Variants in NAA16 observed in about 807,000 individuals in gnomAD.
NAA16 encodes the protein N-alpha-acetyltransferase 16, NatA auxiliary subunit.
A neutral mutation model predicts 110.3 loss-of-function variants in NAA16; 97 were observed. That is an observed-to-expected ratio of 0.88 (90% CI 0.75 to 1.04). NAA16 has a LOEUF of 1.04. NAA16 is among the 50% of genes least tolerant of loss of function. The pLI is 0.00. For missense variants in NAA16, 1,017 were observed against 1,005.1 expected, an observed-to-expected ratio of 1.01 and a Z score of -0.16; for synonymous variants, 372 against 330.6, an observed-to-expected ratio of 1.13 and a Z score of -1.36.
At chr13:41,362,834 C>A in intron 13 of NAA16, 1 of 1,289,120 alleles carries the variant, frequency 7.8e-7, no homozygotes, top group Non-Finnish European at 1.0e-6. Context: ...ACCACTGTTC[C>A]CATCCTGACG....
At chr13:41,322,629 T>A (rs1339240677) in intron 4 of NAA16, among the ~76,000 whole-genome samples, 1 of 152,208 alleles carries the variant, frequency 6.6e-6, no homozygotes, top group Non-Finnish European at 1.5e-5. Flanking sequence ...TTTGGGTGTT[T>A]CGCCTGGCTG....
intron 12 of NAA16, among the ~76,000 whole-genome samples, chr13:41,360,418 A>C (rs558095830): frequency 6.6e-6 from 1 of 152,304 alleles, no homozygotes; most frequent in Non-Finnish European, 1.5e-5. Context: ...AATCTATGCA[A>C]AACTTAAAGA....
intron 8 of NAA16, among the ~76,000 whole-genome samples, chr13:41,335,450 C>G (rs535997791): frequency 3.9e-5 from 6 of 152,156 alleles, no homozygotes; most frequent in Non-Finnish European, 7.4e-5. Context: ...TTATTGTCTA[C>G]CACAATATTG....
At chr13:41,313,061 T>G (rs747927091) in intron 1 of NAA16, among the ~76,000 whole-genome samples, 11 of 152,210 alleles carry the variant, frequency 7.2e-5, no homozygotes, top group Non-Finnish European at 1.5e-4. Context: ...TCAGGACATT[T>G]GGCATCATAC....
intron 14 of NAA16, 97 bp from the exon 15 acceptor site, chr13:41,368,993 A>T: frequency 9.5e-7 from 1 of 1,056,586 alleles, no homozygotes. Context: ...TCCCCCACTG[A>T]TACCAAGGGA....
In NAA16 at chr13:41,373,770, T is replaced by C; in HGVS notation, c.2289T>C (p.His763=). 1 of 1,599,152 alleles carries C rather than the reference T, an allele frequency of 6.3e-7. No homozygotes were observed. Among genetic ancestry groups the C allele is most frequent in the Non-Finnish European group, 8.5e-7 (1 of 1,175,460 alleles). ...AACGTAACGCTACCTCTCTTCAGCA[T>C]CTACTTTCAGGTTTGTTTGTAGCCC... ...FLKRNATSLQ[H]LLSGAKMMYF... The change falls in exon 18 of 20, where the codon CAT becomes CAC. Residue 763 remains histidine, a synonymous_variant. Transcript: ENST00000379406.
At position 41,361,654 on chromosome 13, in the gene NAA16, T is replaced by G. The variant is rs116906448; in HGVS notation, c.1411-377T>G. ...AACTGAGATGGCTCCTAAGTGACAG[T>G]TAGGTAGCAGACAGTGTGGATGTAC... On this transcript the variant is annotated intron_variant, in intron 12 of 19. Coordinates refer to ENST00000379406, the MANE Select transcript of NAA16 (RefSeq NM_024561.5). Among the ~76,000 whole-genome samples the G allele has an allele frequency of 2.7e-3, 408 of 152,312 alleles. 1 individual carries two copies. Among genetic ancestry groups the G allele is most frequent in the Non-Finnish European group, 4.4e-3 (301 of 68,018 alleles).
intron 9 of NAA16, among the ~76,000 whole-genome samples, chr13:41,354,255 G>A (rs1333903900): frequency 6.6e-6 from 1 of 152,224 alleles, no homozygotes; most frequent in Non-Finnish European, 1.5e-5. Context: ...AGGATGATCA[G>A]TGGTTTCATG....
intron 1 of NAA16, among the ~76,000 whole-genome samples, chr13:41,314,247 A>G (rs1415779449): frequency 3.3e-5 from 5 of 152,204 alleles, no homozygotes; most frequent in Non-Finnish European, 4.4e-5. Flanking sequence ...GGTGTTAACT[A>G]TTATTACTGT....
intron 2 of NAA16, 36 bp from the exon 3 acceptor site, chr13:41,318,770 G>T (rs776967406): frequency 8.5e-7 from 1 of 1,182,354 alleles, no homozygotes; most frequent in South Asian, 1.6e-5. Context: ...ATAATTTTGT[G>T]TCATTTGTAA....
At chr13:41,341,608 T>C (rs555592940) in intron 9 of NAA16, among the ~76,000 whole-genome samples, 10 of 152,234 alleles carry the variant, frequency 6.6e-5, no homozygotes, top group Admixed American at 5.2e-4. Context: ...TCCCAGCTAC[T>C]TGGAAGGCTG....
chr13:41,328,444 G>T (rs758234622), intron 6 of NAA16, among the ~76,000 whole-genome samples: 8 of 152,128 alleles, frequency 5.3e-5, no homozygotes, highest in Non-Finnish European at 1.0e-4. Flanking sequence ...TTATTTCAAA[G>T]AGTATAAGAT....
At chr13:41,356,663 A>G (rs544260740) in intron 10 of NAA16, among the ~76,000 whole-genome samples, 3 of 152,296 alleles carry the variant, frequency 2.0e-5, no homozygotes, top group South Asian at 4.1e-4. Context: ...ATTGGTTGTT[A>G]TATCTCCATA....
intron 1 of NAA16, among the ~76,000 whole-genome samples, chr13:41,313,566 A>G (rs993929054): frequency 3.3e-5 from 5 of 152,246 alleles, no homozygotes; most frequent in Non-Finnish European, 5.9e-5. Context: ...TTTGCCACCA[A>G]CAGTAAAATT....
At chr13:41,359,253 T>G (rs1275398421) in intron 12 of NAA16, among the ~76,000 whole-genome samples, 1 of 152,222 alleles carries the variant, frequency 6.6e-6, no homozygotes, top group East Asian at 1.9e-4. Flanking sequence ...GTGTAAAATT[T>G]GATTTATATC....
intron 10 of NAA16, among the ~76,000 whole-genome samples, chr13:41,356,814 A>G (rs926391509): frequency 6.6e-6 from 1 of 152,138 alleles, no homozygotes; most frequent in Non-Finnish European, 1.5e-5. Flanking sequence ...TCATGGTATC[A>G]TTTGCTGTAT....
intron 9 of NAA16, among the ~76,000 whole-genome samples, chr13:41,348,746 G>T (rs910012021): frequency 2.0e-5 from 3 of 152,110 alleles, no homozygotes; most frequent in Non-Finnish European, 4.4e-5. Flanking sequence ...ATGTGTGGTA[G>T]AACTTACCAT....
intron 9 of NAA16, among the ~76,000 whole-genome samples, chr13:41,339,171 G>T (rs745311606): frequency 6.6e-6 from 1 of 151,868 alleles, no homozygotes. Flanking sequence ...TCAGAGTTTC[G>T]CTCTTGTTGC....
rs1050800633 is a variant in NAA16, at chr13:41,358,562, A to G, written c.1257+89A>G. On this transcript the variant is annotated intron_variant, in intron 11 of 19. Transcript: ENST00000379406. ...TTTTTTCTTTGTGGAAACAAGTTCT[A>G]GGGCACCCTGATAATCTTTTTCTAA... The G allele has an allele frequency of 1.2e-5, 18 of 1,535,776 alleles. No homozygotes were observed. In the African/African-American group the frequency reaches 2.5e-4, roughly 21 times the overall value.
Sources: allele counts gnomAD v4.1 joint callset (sites outside exome capture counted in the v4.1 genomes callset), GRCh38; gene constraint gnomAD v4.1.1; transcripts MANE v1.5; gene names NCBI Gene and HGNC (gene_info 2026-07-23, HGNC 2026-07-21).